Variants in RAB11FIP4 observed in about 807,000 individuals in gnomAD.
RAB11FIP4 encodes RAB11 family interacting protein 4, also known as rab11 family-interacting protein 4.
Under a neutral mutation model 74.3 loss-of-function variants are expected in RAB11FIP4, and 23 were observed. That is an observed-to-expected ratio of 0.31 (90% CI 0.22 to 0.44). The LOEUF is 0.44. Among genes scored for constraint, RAB11FIP4 ranks in the 20% least tolerant of loss-of-function variants. The pLI is 1.00. For synonymous variants in RAB11FIP4, 360 were observed against 359.9 expected (o/e 1.00, Z 0.00); for missense variants, 630 against 863.9 (o/e 0.73, Z 3.39).
intron 3 of RAB11FIP4, among the ~76,000 whole-genome samples, chr17:31,451,458 CAA>C (rs60812825): frequency 0.011 from 944 of 85,958 alleles, 10 homozygotes; most frequent in African/African-American, 0.037. Flanking sequence ...GACTCCATCT[CAA>C]AAAAAAAAAA....
chr17:31,516,518 G>A (rs141646654), intron 3 of RAB11FIP4, among the ~76,000 whole-genome samples: 1 of 152,294 alleles, frequency 6.6e-6, no homozygotes, highest in East Asian at 1.9e-4. Flanking sequence ...CACCCAGGCC[G>A]AACTGCAGTG....
chr17:31,488,264 G>C, intron 3 of RAB11FIP4: 2 of 1,174,230 alleles, frequency 1.7e-6, no homozygotes, highest in South Asian at 4.2e-5. Flanking sequence ...GCCAGCTCTC[G>C]GGAGCCAGGT....
intron 3 of RAB11FIP4, among the ~76,000 whole-genome samples, chr17:31,493,727 CTT>C (rs2072058431): frequency 6.6e-6 from 1 of 151,774 alleles, no homozygotes; most frequent in Non-Finnish European, 1.5e-5. Flanking sequence ...AGTTGTGGAA[CTT>C]TGGACAGGCG....
In RAB11FIP4 at chr17:31,512,906, C is replaced by G. The variant is rs938366323; in HGVS notation, c.337-4745C>G. On this transcript the variant is annotated intron_variant, in intron 3 of 14. Coordinates refer to ENST00000621161, the MANE Select transcript of RAB11FIP4 (RefSeq NM_032932.6). This position sits in a 1 kb window ranked among gnomAD's most constrained non-coding sequence, Gnocchi z 4.1. ...GGGCTCTGAGAGGCAGTCTTGGAAG[C>G]TGCCCTGGGCACAGACCTTACTTGC... is the stretch of plus-strand genomic sequence containing the variant. Among the ~76,000 whole-genome samples the G allele has an allele frequency of 6.6e-6, 1 of 152,092 alleles. No individual in the cohort carries two copies. The highest frequency in any genetic ancestry group is 1.5e-5 in the Non-Finnish European group (1 of 68,004).
At chr17:31,447,615 C>T (rs994647304) in intron 3 of RAB11FIP4, among the ~76,000 whole-genome samples, 2 of 152,134 alleles carry the variant, frequency 1.3e-5, no homozygotes, top group African/African-American at 2.4e-5. Context: ...CTCCGCCTCC[C>T]GGGTTCAAGC....
chr17:31,391,827 C>T lies in RAB11FIP4; in HGVS notation c.-26C>T, dbSNP rs917503922. On this transcript the variant is annotated 5_prime_UTR_variant, in exon 1 of 15. Transcript: ENST00000621161. ...GCGGCGGGCGCGGCGGGCGAGGGGT[C>T]CGGGCTGAGCTGCGGGCCGGCCCGG... is the stretch of plus-strand genomic sequence containing the variant. 137 of 1,008,288 alleles carry T rather than the reference C, an allele frequency of 1.4e-4. No individual in the cohort carries two copies. Among genetic ancestry groups the T allele is most frequent in the Non-Finnish European group, 1.4e-4 (119 of 846,710 alleles). The allele number at this position is 1,008,288 out of a possible 1,614,324, so 62.5% of individuals were successfully genotyped here.
chr17:31,528,397 C>T lies in RAB11FIP4; in HGVS notation c.1357-9C>T. The T allele has an allele frequency of 6.2e-7, 1 of 1,611,358 alleles. No homozygotes were observed. The highest frequency in any genetic ancestry group is 8.5e-7 in the Non-Finnish European group (1 of 1,179,548). ...ACTCTCCTCCCCTGATCGGGTCTCC[C>T]TGCTCCAGGAGCGGCAGCGCATGTC... is the stretch of plus-strand genomic sequence containing the variant. On this transcript the variant is annotated splice_polypyrimidine_tract_variant and intron_variant, in intron 11 of 14. Coordinates refer to ENST00000621161, the MANE Select transcript of RAB11FIP4 (RefSeq NM_032932.6).
intron 3 of RAB11FIP4, among the ~76,000 whole-genome samples, chr17:31,461,721 C>CT (rs143304350): frequency 0.052 from 7,357 of 142,836 alleles, 375 homozygotes; most frequent in African/African-American, 0.14. Context: ...TGCACCCAGC[C>CT]TTTTTTTTTT....
At chr17:31,458,814 C>T (rs928932140) in intron 3 of RAB11FIP4, among the ~76,000 whole-genome samples, 3 of 152,172 alleles carry the variant, frequency 2.0e-5, no homozygotes, top group Admixed American at 6.5e-5. Context: ...ACGTTTGGGG[C>T]GAAGCTGCCA....
At chr17:31,445,399 A>T (rs78568289) in intron 3 of RAB11FIP4, among the ~76,000 whole-genome samples, 238 of 151,550 alleles carry the variant, frequency 1.6e-3, no homozygotes, top group Non-Finnish European at 2.8e-3. Context: ...ATGACACTTC[A>T]TCCTTAAATA....
chr17:31,456,817 GGA>G (rs1158227515), intron 3 of RAB11FIP4, among the ~76,000 whole-genome samples: 1 of 152,188 alleles, frequency 6.6e-6, no homozygotes, highest in African/African-American at 2.4e-5. Context: ...GATTTACTAA[GGA>G]GAGACTTATT....
At chr17:31,530,226 C>A (rs748289576) in intron 13 of RAB11FIP4, 100 bp from the exon 14 acceptor site, 2 of 1,455,232 alleles carry the variant, frequency 1.4e-6, no homozygotes, top group South Asian at 1.2e-5. Context: ...GTGGGAATGG[C>A]GCTGGCGGCA....
chr17:31,445,237 G>A (rs2071439871), intron 3 of RAB11FIP4, among the ~76,000 whole-genome samples: 1 of 152,086 alleles, frequency 6.6e-6, no homozygotes, highest in Admixed American at 6.6e-5. Context: ...CTTCAGAAAA[G>A]AGCAGAACAA....
chr17:31,395,863 T>C (rs2070924230), intron 1 of RAB11FIP4, among the ~76,000 whole-genome samples: 1 of 152,118 alleles, frequency 6.6e-6, no homozygotes, highest in African/African-American at 2.4e-5. Context: ...CCCTACTTTG[T>C]TGACCTAGGT....
intron 1 of RAB11FIP4, among the ~76,000 whole-genome samples, chr17:31,425,689 C>T (rs1336974967): frequency 6.6e-6 from 1 of 152,238 alleles, no homozygotes; most frequent in East Asian, 1.9e-4. Context: ...CAGTGAACAA[C>T]CAATTTCCCT....
chr17:31,420,035 T>C (rs2071184553), intron 1 of RAB11FIP4, among the ~76,000 whole-genome samples: 1 of 152,204 alleles, frequency 6.6e-6, no homozygotes, highest in African/African-American at 2.4e-5. Context: ...TGGAAGGATA[T>C]AAATTGGGAA....
chr17:31,505,552 A>AATTATTATTATATAATAT (rs1555548802), intron 3 of RAB11FIP4, among the ~76,000 whole-genome samples: 1 of 67,734 alleles, frequency 1.5e-5, no homozygotes. Context: ...TATTATATAT[A>AATTATTATTATATAATAT]ATAATAATTA....
At chr17:31,439,889 G>A (rs191132824) in intron 3 of RAB11FIP4, among the ~76,000 whole-genome samples, 5 of 152,164 alleles carry the variant, frequency 3.3e-5, no homozygotes, top group South Asian at 4.1e-4. Flanking sequence ...TGCCCACCTC[G>A]GCCTCCCAAA....
intron 3 of RAB11FIP4, among the ~76,000 whole-genome samples, chr17:31,473,311 AG>A (rs1463545714): frequency 6.6e-6 from 1 of 151,472 alleles, no homozygotes; most frequent in African/African-American, 2.4e-5. Flanking sequence ...AGGCTGAGGC[AG>A]GTGGATTGCT....
Sources: allele counts gnomAD v4.1 joint callset (sites outside exome capture counted in the v4.1 genomes callset), GRCh38; gene constraint gnomAD v4.1.1; non-coding constraint Gnocchi (gnomAD v3.1); transcripts MANE v1.5; gene names NCBI Gene and HGNC (gene_info 2026-07-23, HGNC 2026-07-21).